The following ROBO2 variants were observed in gnomAD, a reference collection of about 807,000 sequenced individuals.
ROBO2 encodes roundabout homolog 2.
In ROBO2, 53 loss-of-function variants were observed where a neutral mutation model predicts 160.8. The ratio of observed to expected loss-of-function variants is 0.33; its 90% CI spans 0.26 to 0.41. ROBO2 has a LOEUF of 0.41. ROBO2 is among the 10% of genes least tolerant of loss of function. The probability of loss-of-function intolerance (pLI) is 1.00; values close to 1 mark genes in which losing one functional copy is unlikely to be tolerated. For missense variants in ROBO2, 1,577 were observed against 1,722.4 expected, an observed-to-expected ratio of 0.92 and a Z score of 1.49; for synonymous variants, 664 against 611.7, an observed-to-expected ratio of 1.09 and a Z score of -1.26.
chr3:77,606,420 A>T (rs995500259), intron 20 of ROBO2, among the ~76,000 whole-genome samples: 2 of 152,168 alleles, frequency 1.3e-5, no homozygotes, highest in African/African-American at 4.8e-5. Context: ...CCCAGATACG[A>T]AACTCTTGTC....
At chr3:76,170,101 A>C (rs528292715) in intron 2 of ROBO2, among the ~76,000 whole-genome samples, 1 of 152,060 alleles carries the variant, frequency 6.6e-6, no homozygotes, top group Non-Finnish European at 1.5e-5. Flanking sequence ...TTTTTAAAAA[A>C]TTTTTTACTC....
intron 2 of ROBO2, among the ~76,000 whole-genome samples, chr3:76,848,439 A>C (rs1046646122): frequency 2.0e-5 from 3 of 152,290 alleles, no homozygotes; most frequent in Admixed American, 6.5e-5. Context: ...ATAGTTAGGA[A>C]GAGATATGCA....
intron 2 of ROBO2, among the ~76,000 whole-genome samples, chr3:76,096,094 C>A (rs1425326107): frequency 6.6e-6 from 1 of 152,054 alleles, no homozygotes; most frequent in Non-Finnish European, 1.5e-5. Flanking sequence ...GCCTCGTAAG[C>A]AATAATCTCC....
intron 21 of ROBO2, among the ~76,000 whole-genome samples, chr3:77,614,071 T>A (rs2153700440): frequency 6.6e-6 from 1 of 152,302 alleles, no homozygotes; most frequent in Admixed American, 6.5e-5. Context: ...GAGATTCTTG[T>A]TGTAAAAACT....
intron 2 of ROBO2, among the ~76,000 whole-genome samples, chr3:76,068,051 A>G (rs564402206): frequency 2.2e-4 from 33 of 152,308 alleles, no homozygotes; most frequent in South Asian, 4.1e-4. Context: ...AGAAATACAC[A>G]TGGAGGGTGG....
At chr3:76,975,783 G>T (rs2149303453) in intron 2 of ROBO2, among the ~76,000 whole-genome samples, 1 of 151,924 alleles carries the variant, frequency 6.6e-6, no homozygotes, top group African/African-American at 2.4e-5. Context: ...TCCCAGCATA[G>T]ATTTTAATTG....
intron 2 of ROBO2, among the ~76,000 whole-genome samples, chr3:77,004,016 G>T (rs2061458790): frequency 6.6e-6 from 1 of 152,098 alleles, no homozygotes; most frequent in South Asian, 2.1e-4. Context: ...TTTTTATACA[G>T]AAATGTATGC....
At position 76,658,684 on chromosome 3, in the gene ROBO2, C is replaced by T. The variant is rs894949868; in HGVS notation, c.110-439330C>T. On this transcript the variant is annotated intron_variant, in intron 2 of 26. Coordinates refer to the ROBO2 transcript ENST00000487694. ...CATACACTCATCCTTTCTATGGATG[C>T]GTAGTATTCCAAGGTGTATATGTGC... Among the ~76,000 whole-genome samples the T allele has an allele frequency of 4.6e-5, 7 of 152,240 alleles. No individual in the cohort carries two copies. In the South Asian group the frequency reaches 8.3e-4, roughly 18 times the overall value.
chr3:76,515,870 G>A (rs2081324999), intron 2 of ROBO2, among the ~76,000 whole-genome samples: 1 of 152,100 alleles, frequency 6.6e-6, no homozygotes, highest in Non-Finnish European at 1.5e-5. Context: ...AACATGTATG[G>A]TCTCTCGATT....
chr3:77,112,186 CTCG>C (rs1350535465), intron 2 of ROBO2, among the ~76,000 whole-genome samples: 4 of 112,690 alleles, frequency 3.5e-5, no homozygotes, highest in South Asian at 3.1e-4. Context: ...CAGAGCGAGA[CTCG>C]TCTCAAAAAA....
intron 2 of ROBO2, among the ~76,000 whole-genome samples, chr3:77,283,168 C>T (rs987818456): frequency 1.3e-5 from 2 of 151,976 alleles, no homozygotes; most frequent in Non-Finnish European, 2.9e-5. Context: ...ATATATGTAT[C>T]TAAAAGGGAA....
intron 2 of ROBO2, among the ~76,000 whole-genome samples, chr3:76,034,992 T>C (rs932773954): frequency 6.6e-6 from 1 of 152,028 alleles, no homozygotes; most frequent in Non-Finnish European, 1.5e-5. Flanking sequence ...ACAGTGCTTC[T>C]CTCTTTAACC....
At chr3:76,319,315 C>A (rs1427737720) in intron 2 of ROBO2, among the ~76,000 whole-genome samples, 1 of 152,120 alleles carries the variant, frequency 6.6e-6, no homozygotes, top group Non-Finnish European at 1.5e-5. Context: ...ACTTACTCCA[C>A]ACTGGGTTTT....
intron 7 of ROBO2, among the ~76,000 whole-genome samples, chr3:77,547,915 AGTAAGT>A (rs2092762614): frequency 6.6e-6 from 1 of 151,944 alleles, no homozygotes; most frequent in African/African-American, 2.4e-5. Context: ...CAGACTCTAA[AGTAAGT>A]GTAAGGCAGC....
intron 2 of ROBO2, among the ~76,000 whole-genome samples, chr3:77,217,291 C>G (rs554914783): frequency 6.6e-6 from 1 of 152,158 alleles, no homozygotes; most frequent in East Asian, 1.9e-4. Context: ...CACAGGTGCA[C>G]ATCACCACGC....
chr3:77,640,158 C>CTGGA (rs563311365), intron 24 of ROBO2, among the ~76,000 whole-genome samples: 259 of 118,244 alleles, frequency 2.2e-3, no homozygotes, highest in African/African-American at 7.1e-3. Flanking sequence ...ATCCGCCAGG[C>CTGGA]TGGAGTACAG....
At chr3:76,911,957 G>A (rs1052727061) in intron 2 of ROBO2, among the ~76,000 whole-genome samples, 10 of 151,856 alleles carry the variant, frequency 6.6e-5, no homozygotes, top group Non-Finnish European at 1.3e-4. Flanking sequence ...AACAGAGCTG[G>A]ACCCTGTCTC....
intron 16 of ROBO2, among the ~76,000 whole-genome samples, chr3:77,588,247 G>A (rs2094101653): frequency 6.6e-6 from 1 of 151,960 alleles, no homozygotes; most frequent in South Asian, 2.1e-4. Flanking sequence ...GAAAATTAAA[G>A]GATATTGGCT....
intron 5 of ROBO2, among the ~76,000 whole-genome samples, chr3:77,518,943 C>T (rs2090312665): frequency 6.6e-6 from 1 of 151,458 alleles, no homozygotes; most frequent in South Asian, 2.1e-4. Context: ...ACAAACCTGG[C>T]CCATGTCACC....
Sources: gnomAD v4.1 joint callset for allele counts (sites outside exome capture counted in the v4.1 genomes callset) on GRCh38, gnomAD v4.1.1 for gene constraint, MANE v1.5 for transcripts, NCBI Gene and HGNC (gene_info 2026-07-23, HGNC 2026-07-21) for gene names.